CDH13: variants seen among roughly 807,000 people sequenced by gnomAD.
CDH13 encodes cadherin-13.
A neutral mutation model predicts 63.8 loss-of-function variants in CDH13; 24 were observed. The ratio of observed to expected loss-of-function variants is 0.38; its 90% confidence interval spans 0.27 to 0.53. The LOEUF (loss-of-function observed/expected upper bound fraction) is 0.53, where lower values mean the gene tolerates loss of function less well. CDH13 is among the 20% of genes least tolerant of loss of function. The probability of loss-of-function intolerance (pLI) is 0.85; values close to 1 mark genes in which losing one functional copy is unlikely to be tolerated. For missense variants in CDH13, 1,049 were observed against 903.1 expected (o/e 1.16, Z -2.07); for synonymous variants, 503 against 355.3 (o/e 1.42, Z -4.67).
chr16:83,128,496 A>G (rs72798396), intron 4 of CDH13, among the ~76,000 whole-genome samples: 6,221 of 152,320 alleles, frequency 0.041, 174 homozygotes, highest in Non-Finnish European at 0.06. Flanking sequence ...CCACTAGTAC[A>G]CAATACTTTC....
intron 5 of CDH13, among the ~76,000 whole-genome samples, chr16:83,314,943 T>G (rs1424915560): frequency 6.6e-6 from 1 of 152,180 alleles, no homozygotes; most frequent in African/African-American, 2.4e-5. Context: ...CTCTGAGCAG[T>G]GTGATATAGC....
At chr16:83,511,441 G>A (rs1418719781) in intron 7 of CDH13, among the ~76,000 whole-genome samples, 1 of 150,482 alleles carries the variant, frequency 6.6e-6, no homozygotes. Flanking sequence ...CAGCCTGGGG[G>A]ACAGAGTGAG....
chr16:83,096,427 A>G (rs2034196980), intron 3 of CDH13, among the ~76,000 whole-genome samples: 2 of 152,222 alleles, frequency 1.3e-5, no homozygotes, highest in African/African-American at 4.8e-5. Context: ...CTACTGAAAT[A>G]CAAGATGGAA....
intron 10 of CDH13, among the ~76,000 whole-genome samples, chr16:83,723,958 C>T (rs1236261546): frequency 6.6e-6 from 1 of 152,054 alleles, no homozygotes; most frequent in East Asian, 1.9e-4. Context: ...GTGATGAATG[C>T]CTGGGTGGGT....
chr16:83,146,331 C>T (rs1363333428), intron 4 of CDH13, among the ~76,000 whole-genome samples: 1 of 152,218 alleles, frequency 6.6e-6, no homozygotes, highest in Non-Finnish European at 1.5e-5. Context: ...TAGATAACTC[C>T]ATCACCATGG....
intron 1 of CDH13, among the ~76,000 whole-genome samples, chr16:82,820,292 C>A (rs1001827212): frequency 6.6e-6 from 1 of 152,142 alleles, no homozygotes; most frequent in Admixed American, 6.6e-5. Context: ...TACACGTTTA[C>A]GTTGGTACTC....
At chr16:83,162,209 C>T (rs1824686984) in intron 4 of CDH13, among the ~76,000 whole-genome samples, 1 of 152,128 alleles carries the variant, frequency 6.6e-6, no homozygotes, top group African/African-American at 2.4e-5. Flanking sequence ...CCATCTTTTA[C>T]ATATGTGAGG....
intron 1 of CDH13, among the ~76,000 whole-genome samples, chr16:82,717,146 T>C (rs1173590221): frequency 2.0e-5 from 3 of 151,988 alleles, no homozygotes; most frequent in Non-Finnish European, 4.4e-5. Flanking sequence ...CAACAGGACA[T>C]GAATTGAGCA....
intron 1 of CDH13, among the ~76,000 whole-genome samples, chr16:82,762,324 T>C (rs993806167): frequency 2.0e-5 from 3 of 152,244 alleles, no homozygotes; most frequent in African/African-American, 7.2e-5. Flanking sequence ...TTATCTACTA[T>C]TCATAAAAAG....
At chr16:83,159,172 C>G (rs113358777) in intron 4 of CDH13, among the ~76,000 whole-genome samples, 5 of 152,056 alleles carry the variant, frequency 3.3e-5, no homozygotes, top group African/African-American at 7.2e-5. Flanking sequence ...AATAATCTGG[C>G]TTTTAAAAAT....
chr16:83,378,288 TG>T (rs1164373650), intron 6 of CDH13, among the ~76,000 whole-genome samples: 1 of 151,940 alleles, frequency 6.6e-6, no homozygotes, highest in African/African-American at 2.4e-5. Context: ...AGACTAGGAG[TG>T]GGAGAGCTGT....
intron 1 of CDH13, among the ~76,000 whole-genome samples, chr16:82,638,177 A>C (rs1240499879): frequency 6.6e-6 from 1 of 152,174 alleles, no homozygotes; most frequent in African/African-American, 2.4e-5. Flanking sequence ...AGAACGCTGC[A>C]AACCTGGGAA....
chr16:83,234,608 C>T (rs1182893901), intron 5 of CDH13, among the ~76,000 whole-genome samples: 2 of 152,130 alleles, frequency 1.3e-5, no homozygotes, highest in Non-Finnish European at 2.9e-5. Context: ...GAGTGTGTTT[C>T]CTGAATGATC....
At chr16:82,627,337 C>CGTGCGT (rs1555525839) in intron 1 of CDH13, among the ~76,000 whole-genome samples, 200 bp downstream of exon 1, 8,990 of 131,098 alleles carry the variant, frequency 0.069, 394 homozygotes, top group Non-Finnish European at 0.089. Flanking sequence ...CTCTGGCGTG[C>CGTGCGT]GTGTGTGTGT....
At chr16:83,142,160 G>GTTTTTT (rs11445521) in intron 4 of CDH13, among the ~76,000 whole-genome samples, 173 of 120,244 alleles carry the variant, frequency 1.4e-3, no homozygotes, top group Non-Finnish European at 1.7e-3. Context: ...GTTTGTTTTT[G>GTTTTTT]TTTTTTTTTT....
rs538134219 is a variant in CDH13, at chr16:83,579,216, C to T, written c.961-23238C>T. Among the ~76,000 whole-genome samples, 3 of 152,322 alleles carry T rather than the reference C, an allele frequency of 2.0e-5. No homozygotes were observed. The South Asian group carries it at 6.2e-4, about 32-fold the overall frequency. ...TTACCACCTCAGTGAGGCAGAGATC[C>T]TGGCTGGACTAGGGGAGAGTGAATC... On this transcript the variant is annotated intron_variant, in intron 7 of 13. Coordinates refer to ENST00000567109, the MANE Select transcript of CDH13 (RefSeq NM_001257.5).
At chr16:82,957,099 C>A (rs940775564) in intron 2 of CDH13, among the ~76,000 whole-genome samples, 6 of 152,132 alleles carry the variant, frequency 3.9e-5, no homozygotes, top group Admixed American at 2.0e-4. Flanking sequence ...CCAGACAACT[C>A]ACCACCACAT....
chr16:83,485,815 C>T (rs988759023), intron 6 of CDH13, among the ~76,000 whole-genome samples: 1 of 152,154 alleles, frequency 6.6e-6, no homozygotes, highest in Non-Finnish European at 1.5e-5. Flanking sequence ...CCCCAACACG[C>T]AGCCCAGGCA....
At chr16:82,773,330 G>C (rs893589129) in intron 1 of CDH13, 4 of 152,244 alleles carry the variant, frequency 2.6e-5, no homozygotes, top group Admixed American at 6.5e-5. Context: ...CCCATCCCTG[G>C]ATTGATGTAG....
Sources: gnomAD v4.1 joint callset for allele counts (sites outside exome capture counted in the v4.1 genomes callset) on GRCh38, gnomAD v4.1.1 for gene constraint, MANE v1.5 for transcripts, NCBI Gene and HGNC (gene_info 2026-07-23, HGNC 2026-07-21) for gene names.